Variants in COL9A1 observed in about 807,000 individuals in gnomAD.
The protein encoded by COL9A1 is collagen alpha-1(IX) chain.
Under a neutral mutation model 142.6 loss-of-function variants are expected in COL9A1, and 104 were observed. That is an observed-to-expected ratio of 0.73 (90% CI 0.62 to 0.86). The LOEUF is 0.86. Among genes scored for constraint, COL9A1 ranks in the 40% least tolerant of loss-of-function variants. The pLI is 0.00. For synonymous variants in COL9A1, 466 were observed against 396.0 expected (o/e 1.18, Z -2.10); for missense variants, 1,210 against 1,176.6 (o/e 1.03, Z -0.42).
intron 18 of COL9A1, among the ~76,000 whole-genome samples, chr6:70,264,989 G>C (rs1771922687): frequency 6.6e-6 from 1 of 151,968 alleles, no homozygotes. Context: ...GCCTTTCAAG[G>C]TTCATTCTGC....
intron 26 of COL9A1, 194 bp downstream of exon 26, chr6:70,253,191 C>T: frequency 2.0e-6 from 1 of 497,376 alleles, no homozygotes; most frequent in South Asian, 3.0e-5. Context: ...TAATTAGCAG[C>T]ATTTTGTCAA....
At chr6:70,283,110 C>A in intron 6 of COL9A1, 192 bp from the exon 7 acceptor site, 1 of 1,499,614 alleles carries the variant, frequency 6.7e-7, no homozygotes, top group South Asian at 1.3e-5. Context: ...CCCCTCTAGG[C>A]TTCCAGACCC....
chr6:70,275,166 GA>G (rs1583313181), intron 10 of COL9A1: 1 of 224,504 alleles, frequency 4.5e-6, no homozygotes, highest in East Asian at 1.1e-4. Context: ...CTTCATTTAT[GA>G]AACAAAAATA....
At chr6:70,226,555 T>C (rs1309150414) in intron 36 of COL9A1, among the ~76,000 whole-genome samples, 1 of 151,966 alleles carries the variant, frequency 6.6e-6, no homozygotes, top group Non-Finnish European at 1.5e-5. Flanking sequence ...AATTAATATA[T>C]GGAAATTAAA....
chr6:70,298,239 T>C (rs1773919557), intron 4 of COL9A1, among the ~76,000 whole-genome samples: 1 of 152,240 alleles, frequency 6.6e-6, no homozygotes, highest in Non-Finnish European at 1.5e-5. Flanking sequence ...AATACCAGTG[T>C]GGACTGGGCT....
At chr6:70,287,244 A>G (rs991927115) in intron 5 of COL9A1, among the ~76,000 whole-genome samples, 2 of 152,134 alleles carry the variant, frequency 1.3e-5, no homozygotes, top group African/African-American at 2.4e-5. Context: ...GAAGAGACCA[A>G]ATTTGCTGGG....
intron 28 of COL9A1, among the ~76,000 whole-genome samples, chr6:70,243,584 G>T (rs898771110): frequency 1.3e-5 from 2 of 152,000 alleles, no homozygotes; most frequent in African/African-American, 4.8e-5. Flanking sequence ...CTGGAGTGCA[G>T]TGGTGCGATC....
chr6:70,298,332 G>C (rs924057459), intron 4 of COL9A1, among the ~76,000 whole-genome samples: 7 of 152,130 alleles, frequency 4.6e-5, no homozygotes, highest in Non-Finnish European at 8.8e-5. Flanking sequence ...TAAACTGAGG[G>C]AACTGAAGTA....
intron 2 of COL9A1, among the ~76,000 whole-genome samples, chr6:70,301,011 A>T (rs1774041991): frequency 6.6e-6 from 1 of 152,150 alleles, no homozygotes; most frequent in Non-Finnish European, 1.5e-5. Context: ...GTTCTAAGAG[A>T]TCAAATAAAA....
chr6:70,297,974 G>A (rs999211341), intron 4 of COL9A1, among the ~76,000 whole-genome samples: 4 of 152,084 alleles, frequency 2.6e-5, no homozygotes, highest in Non-Finnish European at 5.9e-5. Flanking sequence ...CTCCCACAAA[G>A]ATCCTGCTAA....
At chr6:70,249,441 G>A (rs1220446246) in intron 28 of COL9A1, among the ~76,000 whole-genome samples, 2 of 152,086 alleles carry the variant, frequency 1.3e-5, no homozygotes, top group African/African-American at 4.8e-5. Flanking sequence ...CCTTTTGGGA[G>A]ACACTGGTAG....
intron 5 of COL9A1, among the ~76,000 whole-genome samples, chr6:70,291,959 C>T (rs1012756712): frequency 2.0e-5 from 3 of 152,004 alleles, no homozygotes; most frequent in Non-Finnish European, 4.4e-5. Flanking sequence ...AAGGTTGTTG[C>T]AAGAATCAAA....
chr6:70,260,270 G>C (rs1248716721), intron 20 of COL9A1, among the ~76,000 whole-genome samples: 1 of 152,104 alleles, frequency 6.6e-6, no homozygotes, highest in Non-Finnish European at 1.5e-5. Context: ...GGCTGGGCGC[G>C]GTGGCTCACA....
chr6:70,267,964 C>A (rs1772137887), intron 17 of COL9A1, among the ~76,000 whole-genome samples: 1 of 152,100 alleles, frequency 6.6e-6, no homozygotes, highest in Non-Finnish European at 1.5e-5. Context: ...TGGAATGTCC[C>A]AAAATCACTT....
intron 16 of COL9A1, among the ~76,000 whole-genome samples, chr6:70,269,380 C>G (rs924570329): frequency 6.6e-6 from 1 of 152,114 alleles, no homozygotes; most frequent in African/African-American, 2.4e-5. Flanking sequence ...CCTGGATGCT[C>G]TAGTGAAAAG....
At chr6:70,269,232 T>TA (rs1318131518) in intron 16 of COL9A1, among the ~76,000 whole-genome samples, 2 of 152,206 alleles carry the variant, frequency 1.3e-5, no homozygotes, top group African/African-American at 4.8e-5. Context: ...TCCACTAGAC[T>TA]AGCCCCATCC....
rs773584873 is a variant in COL9A1 at position 70,283,787 on chromosome 6, G to T, written c.730C>A (p.Pro244Thr). ...ELQWMLIHCD[P>T]LRPRRETCHE... ...CAAGTTTCTCTCCTGGGCCGCAGGGGGTCACAATGGATCAGCATCCATTGA... is the reference window on the plus strand; with the variant it reads ...CAAGTTTCTCTCCTGGGCCGCAGGGTGTCACAATGGATCAGCATCCATTGA... The change falls in exon 6 of 38, where the codon CCC becomes ACC. Residue 244 changes from proline to threonine, a missense_variant. Physicochemically the swap from Pro to Thr is conservative, Grantham distance 38. Transcript: ENST00000357250. The T allele has an allele frequency of 5.0e-6, 8 of 1,611,086 alleles. No homozygotes were observed. Among genetic ancestry groups the T allele is most frequent in the Non-Finnish European group, 6.8e-6 (8 of 1,178,760 alleles).
chr6:70,282,686 G>T (rs539986991), intron 7 of COL9A1, among the ~76,000 whole-genome samples: 6 of 152,342 alleles, frequency 3.9e-5, no homozygotes, highest in African/African-American at 1.4e-4. Context: ...GGAGGACCCA[G>T]ATTGGGGAGG....
intron 37 of COL9A1, among the ~76,000 whole-genome samples, chr6:70,223,444 A>T (rs1361213681): frequency 6.6e-6 from 1 of 152,226 alleles, no homozygotes; most frequent in African/African-American, 2.4e-5. Flanking sequence ...CAATATCATA[A>T]AGTTAGTTAG....
Sources: gnomAD v4.1 joint callset for allele counts (sites outside exome capture counted in the v4.1 genomes callset) on GRCh38, gnomAD v4.1.1 for gene constraint, MANE v1.5 for transcripts, NCBI Gene and HGNC (gene_info 2026-07-23, HGNC 2026-07-21) for gene names.